Variants in STXBP5 observed in about 807,000 individuals in gnomAD.
STXBP5 encodes the protein syntaxin-binding protein 5.
A neutral mutation model predicts 152.4 loss-of-function variants in STXBP5; 50 were observed. That is an observed-to-expected ratio of 0.33 (90% CI 0.26 to 0.42). The LOEUF (loss-of-function observed/expected upper bound fraction) is 0.42. Ranked by LOEUF, STXBP5 falls within the 10% of genes least tolerant of loss-of-function variation. The pLI is 1.00. For missense variants in STXBP5, 1,167 were observed against 1,388.6 expected (o/e 0.84, Z 2.54); for synonymous variants, 492 against 494.7 (o/e 0.99, Z 0.07).
intron 22 of STXBP5, among the ~76,000 whole-genome samples, chr6:147,354,996 G>T (rs1037817534): frequency 6.6e-6 from 1 of 152,134 alleles, no homozygotes; most frequent in Admixed American, 6.6e-5. Flanking sequence ...CCAGATGTTG[G>T]TAAAGCACTG....
In STXBP5 at chr6:147,359,128, A is replaced by C; in HGVS notation, c.2350A>C (p.Thr784Pro). The stretch of plus-strand genomic sequence containing the variant: ...TAGCCGATCACGGAGTTCAAGTGTA[A>C]CAAGCATTGACAAAGAATCCCGAGA... ...SFSRSRSSSV[T>P]SIDKESREAI... is the part of the protein sequence containing the mutation. Residue 784 changes from threonine (T) to proline (P), a missense_variant, in exon 23 of 28, where the codon ACA becomes CCA. Thr to Pro is a conservative substitution (Grantham distance 38). Transcript: ENST00000321680. The C allele has an allele frequency of 6.2e-7, 1 of 1,613,990 alleles. No individual in the cohort carries two copies. The highest frequency in any genetic ancestry group is 8.5e-7 in the Non-Finnish European group (1 of 1,179,920).
At chr6:147,270,204 C>T (rs1780089789) in intron 7 of STXBP5, among the ~76,000 whole-genome samples, 1 of 151,824 alleles carries the variant, frequency 6.6e-6, no homozygotes. Context: ...CGAGACCATC[C>T]TAGCTAACAT....
intron 3 of STXBP5, among the ~76,000 whole-genome samples, chr6:147,235,929 T>C (rs1467086845): frequency 1.3e-5 from 2 of 152,108 alleles, no homozygotes; most frequent in Non-Finnish European, 2.9e-5. Context: ...ACTGCAAGTA[T>C]TGATAGAGAG....
intron 7 of STXBP5, among the ~76,000 whole-genome samples, chr6:147,267,944 A>G (rs1446401583): frequency 6.6e-6 from 1 of 152,134 alleles, no homozygotes; most frequent in Non-Finnish European, 1.5e-5. Context: ...TATGTAGGTC[A>G]CTTCAGTAAA....
intron 9 of STXBP5, among the ~76,000 whole-genome samples, chr6:147,296,853 C>T (rs1193720177): frequency 2.0e-5 from 3 of 152,016 alleles, no homozygotes; most frequent in Non-Finnish European, 2.9e-5. Context: ...CAACAGACTA[C>T]ATCAAGCAAA....
In STXBP5 at chr6:147,373,775, A is replaced by G. The variant is rs1562275872; in HGVS notation, c.3126A>G (p.Ala1042=). ...ELFTPVETPE[A]PNRGFFKGLF... is the part of the protein sequence containing the mutation. ...TCACTCCTGTAGAAACACCTGAAGCACCAAACAGGGGATTCTTTAAAGGCT... is the reference window on the plus strand; with the variant it reads ...TCACTCCTGTAGAAACACCTGAAGCGCCAAACAGGGGATTCTTTAAAGGCT... Residue 1042 remains alanine (A), a synonymous_variant, in exon 26 of 28, where the codon GCA becomes GCG. Coordinates refer to ENST00000321680, the MANE Select transcript of STXBP5 (RefSeq NM_001127715.4). 1.2e-6 allele frequency: 2 copies of G among 1,613,924 alleles called. No homozygotes were observed. Among genetic ancestry groups the G allele is most frequent in the Admixed American group, 1.7e-5 (1 of 60,016 alleles).
chr6:147,381,621 A>G (rs950736823), intron 26 of STXBP5, among the ~76,000 whole-genome samples: 8 of 152,314 alleles, frequency 5.3e-5, no homozygotes, highest in Middle Eastern at 3.4e-3. Flanking sequence ...CAAAAAGTGG[A>G]AACAACCCAG....
At chr6:147,270,961 A>G (rs1305976991) in intron 7 of STXBP5, among the ~76,000 whole-genome samples, 1 of 152,166 alleles carries the variant, frequency 6.6e-6, no homozygotes, top group African/African-American at 2.4e-5. Flanking sequence ...TCCTAAAGGA[A>G]ATACCAAAGC....
At chr6:147,260,203 A>C (rs1779576531) in intron 4 of STXBP5, among the ~76,000 whole-genome samples, 1 of 152,142 alleles carries the variant, frequency 6.6e-6, no homozygotes, top group Non-Finnish European at 1.5e-5. Context: ...TTTGCCTGGA[A>C]GGAGTAGTAA....
chr6:147,383,013 CAG>C lies in STXBP5; in HGVS notation c.3414+17_3414+18del, dbSNP rs771209906. The C allele has an allele frequency of 2.3e-5, 37 of 1,611,840 alleles. No individual in the cohort carries two copies. The highest frequency in any genetic ancestry group is 3.1e-5 in the Non-Finnish European group (36 of 1,178,728). ...ATGCTCATGAGGTACGACTCTCAAA[CAG>C]ATATTTGAACAAAAAGCTCTAGGTA... On this transcript the variant is annotated intron_variant, in intron 27 of 27. Transcript: ENST00000321680.
chr6:147,313,747 T>C, intron 11 of STXBP5, 137 bp from the exon 12 acceptor site: 5 of 596,170 alleles, frequency 8.4e-6, no homozygotes, highest in Non-Finnish European at 1.3e-5. Context: ...GACTTCCATT[T>C]TTAAATATAT....
chr6:147,274,194 T>C (rs1780327470), intron 7 of STXBP5, among the ~76,000 whole-genome samples: 1 of 152,096 alleles, frequency 6.6e-6, no homozygotes, highest in Non-Finnish European at 1.5e-5. Flanking sequence ...CTTAAAACAA[T>C]GAATAATTTG....
At chr6:147,229,728 T>C (rs1283154348) in intron 2 of STXBP5, among the ~76,000 whole-genome samples, 1 of 152,014 alleles carries the variant, frequency 6.6e-6, no homozygotes, top group Non-Finnish European at 1.5e-5. Context: ...GCAACCTTGC[T>C]GAACTTTTTT....
chr6:147,378,112 A>T (rs1401558833), intron 26 of STXBP5, among the ~76,000 whole-genome samples: 1 of 152,136 alleles, frequency 6.6e-6, no homozygotes, highest in African/African-American at 2.4e-5. Context: ...AACTTCTGGT[A>T]CAAATTGGGC....
At chr6:147,282,546 G>A (rs539216803) in intron 8 of STXBP5, among the ~76,000 whole-genome samples, 5 of 152,282 alleles carry the variant, frequency 3.3e-5, no homozygotes, top group African/African-American at 1.2e-4. Flanking sequence ...AAATTAAGCA[G>A]GATTTGGTTC....
At chr6:147,246,057 G>A (rs74629611) in intron 4 of STXBP5, among the ~76,000 whole-genome samples, 1 of 152,180 alleles carries the variant, frequency 6.6e-6, no homozygotes, top group South Asian at 2.1e-4. Context: ...CTTGATATTG[G>A]TGAGCCTTGT....
chr6:147,231,757 G>C (rs1305069200), intron 2 of STXBP5, among the ~76,000 whole-genome samples: 2 of 151,392 alleles, frequency 1.3e-5, no homozygotes, highest in African/African-American at 4.8e-5. Context: ...TCATTTAATT[G>C]TGAACATAGC....
intron 18 of STXBP5, among the ~76,000 whole-genome samples, chr6:147,333,126 C>G (rs970772806): frequency 2.0e-5 from 3 of 152,154 alleles, no homozygotes; most frequent in Non-Finnish European, 4.4e-5. Context: ...AATATTTTAT[C>G]AAAGATTAAA....
At chr6:147,287,850 A>G (rs1486064581) in intron 8 of STXBP5, among the ~76,000 whole-genome samples, 11 of 152,232 alleles carry the variant, frequency 7.2e-5, no homozygotes, top group Admixed American at 2.6e-4. Flanking sequence ...ATGTTCTCAA[A>G]CCATTTTTCA....
Sources: gnomAD v4.1 joint callset for allele counts (sites outside exome capture counted in the v4.1 genomes callset) on GRCh38, gnomAD v4.1.1 for gene constraint, MANE v1.5 for transcripts, NCBI Gene and HGNC (gene_info 2026-07-23, HGNC 2026-07-21) for gene names.